Variants in CAMK1D observed in about 807,000 individuals in gnomAD.
CAMK1D encodes calcium/calmodulin dependent protein kinase ID.
Under a neutral mutation model 47.7 loss-of-function variants are expected in CAMK1D, and 9 were observed. That is an observed-to-expected ratio of 0.19 (90% CI 0.11 to 0.33). CAMK1D has a LOEUF of 0.33. Ranked by LOEUF, CAMK1D falls within the 10% of genes least tolerant of loss-of-function variation. The pLI, the probability that CAMK1D is intolerant of heterozygous loss-of-function variation, is 1.00. For synonymous variants in CAMK1D, 184 were observed against 184.9 expected, an observed-to-expected ratio of 0.99 and a Z score of 0.04; for missense variants, 291 against 488.7, an observed-to-expected ratio of 0.60 and a Z score of 3.81.
intron 3 of CAMK1D, among the ~76,000 whole-genome samples, chr10:12,684,253 T>A (rs1362357083): frequency 6.6e-6 from 1 of 152,116 alleles, no homozygotes; most frequent in African/African-American, 2.4e-5. Context: ...ACTTTGAGTT[T>A]TGTGACATTG....
chr10:12,827,847 C>T (rs1159607452), intron 10 of CAMK1D, among the ~76,000 whole-genome samples: 3 of 152,096 alleles, frequency 2.0e-5, no homozygotes, highest in South Asian at 4.1e-4. Flanking sequence ...TACCACCGTG[C>T]GCAGCTAATT....
At chr10:12,356,523 G>T (rs932005121) in intron 1 of CAMK1D, among the ~76,000 whole-genome samples, 1 of 152,104 alleles carries the variant, frequency 6.6e-6, no homozygotes, top group East Asian at 1.9e-4. Flanking sequence ...GAGTTCGAGA[G>T]CAGCCTGGCC....
At chr10:12,486,943 A>G (rs1474164109) in intron 1 of CAMK1D, among the ~76,000 whole-genome samples, 2 of 152,234 alleles carry the variant, frequency 1.3e-5, no homozygotes, top group African/African-American at 4.8e-5. Context: ...GTCTCTAAAA[A>G]TGTAAAAATA....
At chr10:12,732,059 T>C (rs1029826663) in intron 3 of CAMK1D, among the ~76,000 whole-genome samples, 1 of 152,062 alleles carries the variant, frequency 6.6e-6, no homozygotes. Flanking sequence ...CTGACCAGCA[T>C]GGTGAAACCC....
At chr10:12,682,551 C>T (rs1269536779) in intron 3 of CAMK1D, among the ~76,000 whole-genome samples, 1 of 152,130 alleles carries the variant, frequency 6.6e-6, no homozygotes, top group Admixed American at 6.5e-5. Flanking sequence ...GCAAGATTTG[C>T]TGTGAATATA....
At chr10:12,353,591 A>G (rs1837413102) in intron 1 of CAMK1D, among the ~76,000 whole-genome samples, 1 of 152,174 alleles carries the variant, frequency 6.6e-6, no homozygotes, top group Non-Finnish European at 1.5e-5. Flanking sequence ...TTGAGGAAGC[A>G]AAGAGCAGCA....
chr10:12,664,956 A>G (rs1840382325), intron 2 of CAMK1D, among the ~76,000 whole-genome samples: 1 of 152,256 alleles, frequency 6.6e-6, no homozygotes, highest in African/African-American at 2.4e-5. Context: ...CCAAAAAGGG[A>G]AAATCTACGT....
At chr10:12,780,819 A>T (rs1247747144) in intron 5 of CAMK1D, among the ~76,000 whole-genome samples, 2 of 152,238 alleles carry the variant, frequency 1.3e-5, no homozygotes, top group African/African-American at 4.8e-5. Context: ...GAGTAGGTGG[A>T]ACATCCAGAT....
intron 3 of CAMK1D, among the ~76,000 whole-genome samples, chr10:12,671,485 G>A (rs1198751286): frequency 2.0e-5 from 3 of 151,720 alleles, no homozygotes; most frequent in East Asian, 3.9e-4. Flanking sequence ...TCTTTTTGAC[G>A]ATAGCCATCC....
At chr10:12,357,228 G>A (rs1188500753) in intron 1 of CAMK1D, among the ~76,000 whole-genome samples, 1 of 152,020 alleles carries the variant, frequency 6.6e-6, no homozygotes, top group Admixed American at 6.6e-5. Flanking sequence ...CTGGAGCGCA[G>A]TGGTCCAGTC....
intron 2 of CAMK1D, among the ~76,000 whole-genome samples, chr10:12,554,352 T>G (rs1836693418): frequency 7.7e-6 from 1 of 130,512 alleles, no homozygotes; most frequent in South Asian, 2.3e-4. Context: ...ATGAGGTTTC[T>G]CCATGTTGGC....
At chr10:12,759,048 A>G (rs999492029) in intron 3 of CAMK1D, among the ~76,000 whole-genome samples, 17 of 152,182 alleles carry the variant, frequency 1.1e-4, no homozygotes, top group African/African-American at 4.1e-4. Context: ...GTAGTTGAAT[A>G]AATAATTAAG....
intron 1 of CAMK1D, among the ~76,000 whole-genome samples, chr10:12,360,763 A>G (rs1374751675): frequency 1.3e-5 from 2 of 152,190 alleles, no homozygotes; most frequent in Non-Finnish European, 2.9e-5. Flanking sequence ...TTTGGGGAAT[A>G]GAACCCGTAA....
intron 7 of CAMK1D, 88 bp from the exon 8 acceptor site, chr10:12,816,162 C>A: frequency 1.0e-6 from 1 of 996,306 alleles, no homozygotes. Flanking sequence ...TCATGCTACA[C>A]ACGCTCCTCC....
At chr10:12,569,431 T>C (rs1260248952) in intron 2 of CAMK1D, among the ~76,000 whole-genome samples, 1 of 151,602 alleles carries the variant, frequency 6.6e-6, no homozygotes, top group Non-Finnish European at 1.5e-5. Flanking sequence ...TGTGTGGTGC[T>C]GGGGTGCGGT....
Position 12,767,835 on chromosome 10 carries a change from T to G in CAMK1D, c.439-1838T>G, listed in dbSNP as rs544439561. The stretch of plus-strand genomic sequence containing the variant: ...GCAGAGGAAGCAATCAGGTATGTAT[T>G]TGTCTCCCGTGAGCAGAGGGAGGAC... On this transcript the variant is annotated intron_variant, in intron 4 of 10. Coordinates refer to ENST00000619168, the MANE Select transcript of CAMK1D (RefSeq NM_153498.4). Among the ~76,000 whole-genome samples the G allele has an allele frequency of 8.9e-4, 136 of 152,344 alleles. No homozygotes were observed. The South Asian group carries it at 0.027, about 30-fold the overall frequency.
At chr10:12,726,347 C>A (rs557162636) in intron 3 of CAMK1D, among the ~76,000 whole-genome samples, 1 of 151,960 alleles carries the variant, frequency 6.6e-6, no homozygotes, top group East Asian at 2.0e-4. Context: ...TCACTTGAAC[C>A]TGGGAGGCAG....
intron 1 of CAMK1D, among the ~76,000 whole-genome samples, chr10:12,419,568 A>C (rs936591053): frequency 6.6e-6 from 1 of 150,846 alleles, no homozygotes; most frequent in South Asian, 2.1e-4. Flanking sequence ...TGCACACCTC[A>C]CTCCCCACCG....
chr10:12,484,968 T>C (rs777460706), intron 1 of CAMK1D, among the ~76,000 whole-genome samples: 1 of 152,158 alleles, frequency 6.6e-6, no homozygotes, highest in Non-Finnish European at 1.5e-5. Context: ...CCAGGCCTTT[T>C]CTGTAATGTC....
Sources: allele counts gnomAD v4.1 joint callset (sites outside exome capture counted in the v4.1 genomes callset), GRCh38; gene constraint gnomAD v4.1.1; transcripts MANE v1.5; gene names NCBI Gene and HGNC (gene_info 2026-07-23, HGNC 2026-07-21).